The following TFPI variants were observed in gnomAD, a reference collection of about 807,000 sequenced individuals.
TFPI encodes tissue factor pathway inhibitor.
A neutral mutation model predicts 34.6 loss-of-function variants in TFPI; 15 were observed. The observed-to-expected ratio is 0.43, with a 90% CI of 0.29 to 0.67. TFPI has a LOEUF of 0.67. TFPI is among the 30% of genes least tolerant of loss of function. TFPI has a pLI of 0.15. For synonymous variants in TFPI, 105 were observed against 120.1 expected (o/e 0.87, Z 0.82); for missense variants, 301 against 364.0 (o/e 0.83, Z 1.41).
intron 6 of TFPI, 80 bp downstream of exon 6, chr2:187,484,044 C>T (rs1357938480): frequency 2.7e-6 from 3 of 1,129,344 alleles, no homozygotes; most frequent in Non-Finnish European, 4.0e-6. Flanking sequence ...TATTTAAAGA[C>T]ATACTTCTAA....
chr2:187,467,304 A>T (rs1574354257), intron 7 of TFPI, among the ~76,000 whole-genome samples: 1 of 151,898 alleles, frequency 6.6e-6, no homozygotes, highest in Non-Finnish European at 1.5e-5. Context: ...TGCTTGCTTT[A>T]TTTTTAAATA....
chr2:187,488,426 T>TA (rs1447815963), intron 3 of TFPI, 51 bp from the exon 4 acceptor site: 2 of 1,208,244 alleles, frequency 1.7e-6, no homozygotes, highest in African/African-American at 3.1e-5. Context: ...TATAAAGTAA[T>TA]ACTATGAATT....
intron 6 of TFPI, among the ~76,000 whole-genome samples, chr2:187,471,325 G>A (rs936801972): frequency 4.6e-5 from 7 of 151,982 alleles, no homozygotes; most frequent in African/African-American, 1.4e-4. Flanking sequence ...AGTTCCATTT[G>A]AATTTTTTTC....
chr2:187,507,475 T>G (rs554963189), intron 1 of TFPI, among the ~76,000 whole-genome samples: 1 of 152,326 alleles, frequency 6.6e-6, no homozygotes, highest in African/African-American at 2.4e-5. Context: ...TGAACTAATT[T>G]ACACTCCCAA....
chr2:187,539,918 G>C (rs994800458), intron 1 of TFPI, among the ~76,000 whole-genome samples: 1 of 55,516 alleles, frequency 1.8e-5, no homozygotes, highest in Non-Finnish European at 3.6e-5. Flanking sequence ...TTTTTTTTTT[G>C]AGACGGAGCC....
At chr2:187,491,839 T>G (rs8176485) in intron 3 of TFPI, among the ~76,000 whole-genome samples, 1,610 of 152,222 alleles carry the variant, frequency 0.011, 18 homozygotes, top group African/African-American at 0.037. Flanking sequence ...TAAGCATTCT[T>G]TTTTCTCCTA....
chr2:187,498,269 T>G (rs905269496), intron 2 of TFPI, among the ~76,000 whole-genome samples: 1 of 151,840 alleles, frequency 6.6e-6, no homozygotes, highest in Non-Finnish European at 1.5e-5. Flanking sequence ...GTTTTAAATT[T>G]CCTGTAATTT....
At position 187,509,037 on chromosome 2, in the gene TFPI, G is replaced by A. The variant is rs571900355; in HGVS notation, c.-2-5267C>T. On this transcript the variant is annotated intron_variant, in intron 1 of 7. Coordinates refer to ENST00000233156, the MANE Select transcript of TFPI (RefSeq NM_006287.6). ...TTGAATTTTATCGAGGGACTTTTCT[G>A]CATCTATCGAGATACTCATGAGGTT... Among the ~76,000 whole-genome samples the A allele has an allele frequency of 3.2e-3, 490 of 152,252 alleles. 3 individuals are homozygous for A. The highest frequency in any genetic ancestry group is 0.011 in the African/African-American group (469 of 41,540).
At chr2:187,480,298 C>T (rs1692747618) in intron 6 of TFPI, among the ~76,000 whole-genome samples, 1 of 151,988 alleles carries the variant, frequency 6.6e-6, no homozygotes, top group Admixed American at 6.6e-5. Context: ...AAGTGTATTA[C>T]TCTGAATCAC....
chr2:187,493,542 G>C (rs1467437715), intron 3 of TFPI, among the ~76,000 whole-genome samples: 2 of 152,154 alleles, frequency 1.3e-5, no homozygotes, highest in Non-Finnish European at 1.5e-5. Flanking sequence ...TTTTTCCTCA[G>C]AGAATGTAAT....
intron 1 of TFPI, chr2:187,546,969 G>A (rs1688900717): frequency 6.6e-6 from 1 of 152,176 alleles, no homozygotes; most frequent in Non-Finnish European, 1.5e-5. Context: ...TGGAATTCAG[G>A]TTGATATTAC....
At chr2:187,470,832 A>G (rs1691989694) in intron 6 of TFPI, among the ~76,000 whole-genome samples, 1 of 152,222 alleles carries the variant, frequency 6.6e-6, no homozygotes, top group Admixed American at 6.5e-5. Context: ...GGTGTCTGGC[A>G]TGCTGCTTCT....
chr2:187,503,340 T>A (rs763528769), intron 2 of TFPI, among the ~76,000 whole-genome samples: 5 of 151,990 alleles, frequency 3.3e-5, no homozygotes, highest in Non-Finnish European at 5.9e-5. Flanking sequence ...TTTTACAACA[T>A]TTTGCTCCTT....
intron 1 of TFPI, among the ~76,000 whole-genome samples, chr2:187,543,302 C>T (rs1273797421): frequency 6.6e-6 from 1 of 152,156 alleles, no homozygotes. Flanking sequence ...TATGGTGGCA[C>T]ATCCATCTAC....
At chr2:187,515,837 C>G (rs894444273) in intron 1 of TFPI, 2 of 152,066 alleles carry the variant, frequency 1.3e-5, no homozygotes, top group African/African-American at 4.8e-5. Flanking sequence ...TGGAAGTGAC[C>G]AGCCTGATGT....
intron 1 of TFPI, among the ~76,000 whole-genome samples, chr2:187,504,681 TAAAAG>T (rs952995105): frequency 6.6e-6 from 1 of 151,210 alleles, no homozygotes; most frequent in Non-Finnish European, 1.5e-5. Context: ...CACAGAAAAA[TAAAAG>T]AAGAGAACAC....
chr2:187,474,775 T>A (rs1357348240), intron 6 of TFPI, among the ~76,000 whole-genome samples: 1 of 152,174 alleles, frequency 6.6e-6, no homozygotes, highest in East Asian at 1.9e-4. Flanking sequence ...ATAGAATAAA[T>A]TCTACTTATA....
chr2:187,532,250 A>G (rs548203503), intron 1 of TFPI, among the ~76,000 whole-genome samples: 1 of 152,198 alleles, frequency 6.6e-6, no homozygotes, highest in South Asian at 2.1e-4. Context: ...CTCCTTTGTC[A>G]TTGAATGAGA....
At chr2:187,514,407 T>C (rs1686851454) in intron 1 of TFPI, 1 of 152,224 alleles carries the variant, frequency 6.6e-6, no homozygotes, top group Non-Finnish European at 1.5e-5. Flanking sequence ...TATTAAGTCA[T>C]GCCAAGCTCT....
Sources: gnomAD v4.1 joint callset for allele counts (sites outside exome capture counted in the v4.1 genomes callset) on GRCh38, gnomAD v4.1.1 for gene constraint, MANE v1.5 for transcripts, NCBI Gene and HGNC (gene_info 2026-07-23, HGNC 2026-07-21) for gene names.